The following SLC10A7 variants were observed in gnomAD, a reference collection of about 807,000 sequenced individuals.
SLC10A7 encodes the protein sodium/bile acid cotransporter 7.
In SLC10A7, 29 loss-of-function variants were observed where a neutral mutation model predicts 43.2. The observed-to-expected ratio is 0.67, with a 90% CI of 0.50 to 0.92. The LOEUF (loss-of-function observed/expected upper bound fraction) is 0.92. Among genes scored for constraint, SLC10A7 ranks in the 40% least tolerant of loss-of-function variants. SLC10A7 has a pLI of 0.00. For synonymous variants in SLC10A7, 152 were observed against 144.8 expected (o/e 1.05, Z -0.35); for missense variants, 295 against 403.2 (o/e 0.73, Z 2.30).
At chr4:146,414,311 C>T (rs1728414098) in intron 5 of SLC10A7, among the ~76,000 whole-genome samples, 1 of 152,202 alleles carries the variant, frequency 6.6e-6, no homozygotes, top group Non-Finnish European at 1.5e-5. Context: ...CACGAAAAGA[C>T]ACCAAGTAGG....
At chr4:146,422,181 G>A (rs13127953) in intron 5 of SLC10A7, among the ~76,000 whole-genome samples, 25,503 of 152,016 alleles carry the variant, frequency 0.17, 2,787 homozygotes, top group East Asian at 0.42. Flanking sequence ...TGAAAATGGA[G>A]AAATAAAACG....
intron 2 of SLC10A7, among the ~76,000 whole-genome samples, chr4:146,512,469 A>G (rs772561968): frequency 6.6e-6 from 1 of 152,208 alleles, no homozygotes; most frequent in African/African-American, 2.4e-5. Flanking sequence ...CTATTCGAGC[A>G]AAATCTGGAA....
intron 5 of SLC10A7, among the ~76,000 whole-genome samples, chr4:146,391,538 C>T (rs1184668805): frequency 6.6e-6 from 1 of 152,164 alleles, no homozygotes; most frequent in African/African-American, 2.4e-5. Flanking sequence ...TTAAAATCTG[C>T]TCAAATATTT....
chr4:146,308,248 C>T (rs866619206), intron 6 of SLC10A7, among the ~76,000 whole-genome samples: 5 of 152,102 alleles, frequency 3.3e-5, no homozygotes, highest in Non-Finnish European at 5.9e-5. Flanking sequence ...GGATGGCTCC[C>T]TTAGAAGTGG....
intron 11 of SLC10A7, 44 bp from the exon 12 acceptor site, chr4:146,256,564 A>C (rs752872089): frequency 1.9e-6 from 3 of 1,607,154 alleles, no homozygotes; most frequent in East Asian, 2.2e-5. Flanking sequence ...AGTATCCATG[A>C]GGAAAGTGAA....
chr4:146,494,714 T>A (rs1049042713), intron 4 of SLC10A7, among the ~76,000 whole-genome samples: 6 of 152,084 alleles, frequency 3.9e-5, no homozygotes, highest in African/African-American at 1.2e-4. Context: ...TGTGTCTCTC[T>A]AAGACCAGAT....
chr4:146,338,832 CAA>C (rs899220982), intron 5 of SLC10A7, among the ~76,000 whole-genome samples: 1 of 151,896 alleles, frequency 6.6e-6, no homozygotes, highest in African/African-American at 2.4e-5. Context: ...CAAAACAAAA[CAA>C]AAACACATAG....
intron 5 of SLC10A7, among the ~76,000 whole-genome samples, chr4:146,390,413 G>T (rs1738340382): frequency 6.6e-6 from 1 of 152,162 alleles, no homozygotes; most frequent in Admixed American, 6.5e-5. Context: ...CAGACTGCTT[G>T]AGCTCAGGAG....
intron 2 of SLC10A7, among the ~76,000 whole-genome samples, chr4:146,512,487 TC>T (rs1170786639): frequency 1.3e-5 from 2 of 152,158 alleles, no homozygotes; most frequent in Admixed American, 1.3e-4. Flanking sequence ...GAAACAAATG[TC>T]CAAACATAAG....
In SLC10A7 at chr4:146,502,986, A is replaced by T. The variant is rs541192972; in HGVS notation, c.396+863T>A. 5.9e-5 allele frequency among the ~76,000 whole-genome samples: 9 copies of T among 152,356 alleles called. No homozygotes were observed. In the East Asian group the frequency reaches 1.7e-3, roughly 29 times the overall value. ...TGGTGATGGTTTCACAAATGTACAC[A>T]TATGTCAAAACATTAAACTGTTTAA... On this transcript the variant is annotated intron_variant, in intron 4 of 11. Transcript: ENST00000335472.
chr4:146,308,329 A>G (rs1731730875), intron 6 of SLC10A7, among the ~76,000 whole-genome samples: 1 of 152,170 alleles, frequency 6.6e-6, no homozygotes, highest in South Asian at 2.1e-4. Context: ...ATTGGCCAAC[A>G]GACCTGTCAC....
intron 10 of SLC10A7, among the ~76,000 whole-genome samples, chr4:146,268,927 T>C (rs977905664): frequency 2.6e-5 from 4 of 152,156 alleles, no homozygotes; most frequent in African/African-American, 9.6e-5. Context: ...GTAAGGAAAA[T>C]AACCGTTACA....
chr4:146,436,139 A>G (rs541761987), intron 5 of SLC10A7, among the ~76,000 whole-genome samples: 1 of 152,254 alleles, frequency 6.6e-6, no homozygotes, highest in East Asian at 1.9e-4. Context: ...CCTATAATTA[A>G]ATCTGTGTCA....
chr4:146,345,735 A>G (rs1222669698), intron 5 of SLC10A7, among the ~76,000 whole-genome samples: 1 of 152,110 alleles, frequency 6.6e-6, no homozygotes, highest in Non-Finnish European at 1.5e-5. Flanking sequence ...GAGGAAAGGG[A>G]CCATGCTTAT....
chr4:146,412,071 G>C (rs1728234083), intron 5 of SLC10A7, among the ~76,000 whole-genome samples: 1 of 151,970 alleles, frequency 6.6e-6, no homozygotes, highest in African/African-American at 2.4e-5. Flanking sequence ...CACTTCATCT[G>C]CATTTCTAAC....
At chr4:146,257,925 A>G (rs753623542) in intron 11 of SLC10A7, among the ~76,000 whole-genome samples, 5 of 152,226 alleles carry the variant, frequency 3.3e-5, no homozygotes, top group Admixed American at 1.3e-4. Context: ...GACACAGGGC[A>G]CTTGTCATTG....
intron 5 of SLC10A7, among the ~76,000 whole-genome samples, chr4:146,395,832 GTACTTGTATTCAACCA>G (rs1738787356): frequency 6.6e-6 from 1 of 152,058 alleles, no homozygotes; most frequent in African/African-American, 2.4e-5. Flanking sequence ...TCTGTACATA[GTACTTGTATTCAACCA>G]TACATGTCAT....
chr4:146,471,833 A>G (rs1254207858), intron 4 of SLC10A7, among the ~76,000 whole-genome samples: 2 of 152,168 alleles, frequency 1.3e-5, no homozygotes, highest in Non-Finnish European at 2.9e-5. Flanking sequence ...AGGTCTAGAG[A>G]CACCAAAGGC....
intron 4 of SLC10A7, among the ~76,000 whole-genome samples, chr4:146,452,566 T>C (rs1731686451): frequency 6.6e-6 from 1 of 152,092 alleles, no homozygotes; most frequent in South Asian, 2.1e-4. Context: ...TGATTGACTT[T>C]CTCTTATGCA....
Sources: allele counts gnomAD v4.1 joint callset (sites outside exome capture counted in the v4.1 genomes callset), GRCh38; gene constraint gnomAD v4.1.1; transcripts MANE v1.5; gene names NCBI Gene and HGNC (gene_info 2026-07-23, HGNC 2026-07-21).